LARGE1: variants seen among roughly 807,000 people sequenced by gnomAD.
LARGE1 encodes the protein LARGE xylosyl- and glucuronyltransferase 1.
LARGE1 carries 43 observed loss-of-function variants against 87.6 expected under a neutral mutation model. The ratio of observed to expected loss-of-function variants is 0.49; its 90% CI spans 0.38 to 0.63. The LOEUF (loss-of-function observed/expected upper bound fraction) is 0.63. LARGE1 is among the 30% of genes least tolerant of loss of function. LARGE1 has a pLI of 0.00. For synonymous variants in LARGE1, 434 were observed against 394.6 expected (o/e 1.10, Z -1.18); for missense variants, 802 against 1,000.2 (o/e 0.80, Z 2.67).
intron 6 of LARGE1, among the ~76,000 whole-genome samples, chr22:33,478,304 G>C (rs2069165672): frequency 6.6e-6 from 1 of 152,184 alleles, no homozygotes; most frequent in Non-Finnish European, 1.5e-5. Context: ...AAAACACATG[G>C]AAGTACACTG....
chr22:33,877,815 G>C (rs187747404), intron 1 of LARGE1, among the ~76,000 whole-genome samples: 2 of 151,804 alleles, frequency 1.3e-5, no homozygotes, highest in Non-Finnish European at 2.9e-5. Flanking sequence ...TCAGCTACTC[G>C]GGAGGCTGAG....
At chr22:33,538,905 A>G (rs2077112362) in intron 6 of LARGE1, among the ~76,000 whole-genome samples, 1 of 152,230 alleles carries the variant, frequency 6.6e-6, no homozygotes, top group African/African-American at 2.4e-5. Flanking sequence ...CTTCCAGTCC[A>G]GTGTTTTTGA....
chr22:33,465,400 G>A lies in LARGE1; in HGVS notation c.788-33135C>T, dbSNP rs553125022. Among the ~76,000 whole-genome samples, 4 of 152,264 alleles carry A rather than the reference G, an allele frequency of 2.6e-5. No individual in the cohort carries two copies. The East Asian group carries it at 7.7e-4, about 29-fold the overall frequency. ...GAGGATTTGTCTTAAGCTGGATGGT[G>A]GGTGCATGGATGTTAGGTTTATTAC... On this transcript the variant is annotated intron_variant, in intron 6 of 14. Transcript: ENST00000397394.
chr22:33,129,034 G>A, the LARGE1 span, among the ~76,000 whole-genome samples: 5 of 152,176 alleles, frequency 3.3e-5, no homozygotes, highest in South Asian at 4.1e-4. Flanking sequence ...CATGGCACAC[G>A]TTTACCTATG....
the LARGE1 span, among the ~76,000 whole-genome samples, chr22:33,155,098 G>C: frequency 6.6e-6 from 1 of 152,128 alleles, no homozygotes; most frequent in Non-Finnish European, 1.5e-5. Flanking sequence ...GCCCAGTCTA[G>C]GTATGTCTTT....
chr22:33,254,968 C>T (rs1252236338), intron 11 of LARGE1, among the ~76,000 whole-genome samples: 1 of 141,324 alleles, frequency 7.1e-6, no homozygotes, highest in Non-Finnish European at 1.5e-5. Flanking sequence ...GACGGAGTCT[C>T]ACTCCGTCAC....
At chr22:33,638,627 C>T (rs921726695) in intron 3 of LARGE1, among the ~76,000 whole-genome samples, 3 of 152,172 alleles carry the variant, frequency 2.0e-5, no homozygotes, top group African/African-American at 7.2e-5. Context: ...ATCAAACTGC[C>T]TAGGTTTAAT....
chr22:33,132,338 C>G, the LARGE1 span, among the ~76,000 whole-genome samples: 2 of 151,674 alleles, frequency 1.3e-5, no homozygotes, highest in African/African-American at 2.4e-5. Context: ...CGTGCACCAC[C>G]ATGCCTCGCT....
the LARGE1 span, among the ~76,000 whole-genome samples, chr22:33,096,140 G>A: frequency 6.6e-6 from 1 of 152,162 alleles, no homozygotes; most frequent in Non-Finnish European, 1.5e-5. Context: ...CCCAGGCCAG[G>A]CGCGGTGGCT....
intron 10 of LARGE1, among the ~76,000 whole-genome samples, chr22:33,334,778 C>A (rs934901445): frequency 6.6e-6 from 1 of 152,242 alleles, no homozygotes; most frequent in Non-Finnish European, 1.5e-5. Context: ...TCTCTAAGAG[C>A]TGTTAAGCTT....
intron 7 of LARGE1, among the ~76,000 whole-genome samples, chr22:33,428,651 G>A (rs1324758092): frequency 6.8e-6 from 1 of 147,380 alleles, no homozygotes; most frequent in African/African-American, 2.5e-5. Flanking sequence ...TGCTGGGCAC[G>A]GTGGCTCATG....
intron 1 of LARGE1, among the ~76,000 whole-genome samples, chr22:33,869,288 C>A (rs2064204112): frequency 6.6e-6 from 1 of 152,068 alleles, no homozygotes; most frequent in Admixed American, 6.5e-5. Flanking sequence ...AGGCCCTGAC[C>A]CAAAACAACA....
At chr22:33,877,131 T>A (rs1199758574) in intron 1 of LARGE1, among the ~76,000 whole-genome samples, 3 of 152,148 alleles carry the variant, frequency 2.0e-5, no homozygotes. Context: ...GTACCAGGAA[T>A]GGATCCAGAG....
At chr22:33,187,921 CAAAAAAAAAAA>C (rs578115819) in intron 11 of LARGE1, among the ~76,000 whole-genome samples, 4 of 36,890 alleles carry the variant, frequency 1.1e-4, no homozygotes, top group Non-Finnish European at 1.7e-4. Flanking sequence ...GACTCCGTCT[CAAAAAAAAAAA>C]AAAAAAAAAA....
At chr22:33,107,658 A>G in the LARGE1 span, among the ~76,000 whole-genome samples, 1 of 152,318 alleles carries the variant, frequency 6.6e-6, no homozygotes, top group African/African-American at 2.4e-5. Context: ...TGAGGCTGGT[A>G]GTTTGAGACC....
At chr22:33,083,017 C>T in the LARGE1 span, among the ~76,000 whole-genome samples, 1 of 152,108 alleles carries the variant, frequency 6.6e-6, no homozygotes, top group Non-Finnish European at 1.5e-5. Context: ...ACAGTGAAGA[C>T]TCCGTCTCAA....
At chr22:33,194,808 A>G (rs375573860) in intron 11 of LARGE1, among the ~76,000 whole-genome samples, 25 of 152,324 alleles carry the variant, frequency 1.6e-4, no homozygotes, top group African/African-American at 6.0e-4. Context: ...AAAGGGGAAT[A>G]GAGAGCCAGA....
intron 11 of LARGE1, chr22:33,166,843 AAG>A (rs1426936119): frequency 4.2e-6 from 2 of 471,372 alleles, no homozygotes; most frequent in East Asian, 1.4e-4. Context: ...CTAGAAGCAA[AAG>A]AGAATGAGAA....
At chr22:33,098,230 G>A in the LARGE1 span, among the ~76,000 whole-genome samples, 1 of 152,044 alleles carries the variant, frequency 6.6e-6, no homozygotes, top group Non-Finnish European at 1.5e-5. Flanking sequence ...ATCACTTGAG[G>A]CTTGAGGCTG....
Sources: allele counts gnomAD v4.1 joint callset (sites outside exome capture counted in the v4.1 genomes callset), GRCh38; gene constraint gnomAD v4.1.1; transcripts MANE v1.5; gene names NCBI Gene and HGNC (gene_info 2026-07-23, HGNC 2026-07-21).